Variants in ADGRV1 observed in about 807,000 individuals in gnomAD.
ADGRV1 encodes the protein adhesion G protein-coupled receptor V1.
Under a neutral mutation model 596.2 loss-of-function variants are expected in ADGRV1, and 359 were observed. The ratio of observed to expected loss-of-function variants is 0.60; its 90% CI spans 0.55 to 0.66. The LOEUF (loss-of-function observed/expected upper bound fraction) is 0.66, where lower values mean the gene tolerates loss of function less well. Ranked by LOEUF, ADGRV1 falls within the 30% of genes least tolerant of loss-of-function variation. The probability of loss-of-function intolerance (pLI) is 0.00; values close to 1 mark genes in which losing one functional copy is unlikely to be tolerated. For missense variants in ADGRV1, 7,274 were observed against 7,575.6 expected (o/e 0.96, Z 1.48); for synonymous variants, 2,681 against 2,679.2 (o/e 1.00, Z -0.02).
At chr5:90,637,207 T>A (rs1334597755) in intron 10 of ADGRV1, among the ~76,000 whole-genome samples, 1 of 152,170 alleles carries the variant, frequency 6.6e-6, no homozygotes, top group African/African-American at 2.4e-5. Context: ...GATAAAAATA[T>A]CTGATTTTAT....
chr5:90,886,305 C>G (rs185537568), intron 83 of ADGRV1, among the ~76,000 whole-genome samples: 1 of 152,288 alleles, frequency 6.6e-6, no homozygotes, highest in East Asian at 1.9e-4. Flanking sequence ...TTCTCAGACT[C>G]TTCCTCTCCT....
chr5:91,021,158 C>G (rs1783600867), intron 85 of ADGRV1, among the ~76,000 whole-genome samples: 1 of 152,068 alleles, frequency 6.6e-6, no homozygotes, highest in Admixed American at 6.6e-5. Context: ...ATTGTTGGAA[C>G]TTTGAATTGC....
chr5:90,893,445 C>T (rs528386176), intron 83 of ADGRV1, among the ~76,000 whole-genome samples: 3 of 152,206 alleles, frequency 2.0e-5, no homozygotes, highest in Admixed American at 6.5e-5. Flanking sequence ...GAGGGGACTA[C>T]GCAAGAGTAT....
intron 69 of ADGRV1, among the ~76,000 whole-genome samples, chr5:90,790,471 CATAG>C (rs1218224602): frequency 2.0e-5 from 3 of 152,138 alleles, no homozygotes; most frequent in Non-Finnish European, 4.4e-5. Context: ...TTTTATATCT[CATAG>C]ATAGTCCTTT....
intron 83 of ADGRV1, among the ~76,000 whole-genome samples, chr5:90,948,053 A>G (rs1028184114): frequency 6.6e-6 from 1 of 152,040 alleles, no homozygotes; most frequent in Non-Finnish European, 1.5e-5. Context: ...AATGTTTGAG[A>G]TATACTAAAT....
chr5:90,616,952 T>A (rs1763445157), intron 2 of ADGRV1, among the ~76,000 whole-genome samples: 1 of 152,202 alleles, frequency 6.6e-6, no homozygotes, highest in Admixed American at 6.5e-5. Flanking sequence ...CAGGTCCACA[T>A]TCTTTAGCTG....
intron 87 of ADGRV1, among the ~76,000 whole-genome samples, chr5:91,149,693 T>G (rs1419548688): frequency 1.3e-5 from 2 of 151,472 alleles, no homozygotes; most frequent in Non-Finnish European, 2.9e-5. Context: ...ATTAGCCAGG[T>G]GTGGTGGCAC....
intron 21 of ADGRV1, among the ~76,000 whole-genome samples, chr5:90,659,790 C>T (rs983917906): frequency 1.3e-5 from 2 of 152,168 alleles, no homozygotes; most frequent in South Asian, 2.1e-4. Context: ...CCCAGCACTT[C>T]GGGATGCTGA....
chr5:90,842,408 T>C (rs992215376), intron 78 of ADGRV1, among the ~76,000 whole-genome samples: 2 of 152,226 alleles, frequency 1.3e-5, no homozygotes, highest in African/African-American at 4.8e-5. Context: ...GGATAAAATA[T>C]ATTTTAAATG....
chr5:90,634,793 A>G (rs1321557214), intron 9 of ADGRV1, among the ~76,000 whole-genome samples: 2 of 147,548 alleles, frequency 1.4e-5, no homozygotes, highest in African/African-American at 5.0e-5. Flanking sequence ...TGACATTTAT[A>G]TGATGTCTGT....
intron 83 of ADGRV1, among the ~76,000 whole-genome samples, chr5:90,951,510 C>T (rs943254286): frequency 2.8e-4 from 43 of 151,984 alleles, no homozygotes; most frequent in African/African-American, 9.9e-4. Context: ...ACTGTTTACT[C>T]CTAAAAACTA....
At chr5:90,643,073 C>A in intron 13 of ADGRV1, 32 bp downstream of exon 13, 1 of 1,535,254 alleles carries the variant, frequency 6.5e-7, no homozygotes, top group Non-Finnish European at 9.0e-7. Flanking sequence ...TTGTGTTTCT[C>A]TGTAAGATTG....
chr5:90,926,660 T>C (rs1164757850), intron 83 of ADGRV1, among the ~76,000 whole-genome samples: 1 of 151,610 alleles, frequency 6.6e-6, no homozygotes, highest in Non-Finnish European at 1.5e-5. Flanking sequence ...TTTAGTTATT[T>C]CTAGCCTTCT....
At chr5:91,126,602 G>C (rs1793780780) in intron 87 of ADGRV1, among the ~76,000 whole-genome samples, 1 of 152,150 alleles carries the variant, frequency 6.6e-6, no homozygotes, top group Non-Finnish European at 1.5e-5. Context: ...AAATCACCAA[G>C]TTTACTGGAA....
At chr5:90,797,977 G>A (rs915041249) in intron 70 of ADGRV1, among the ~76,000 whole-genome samples, 3 of 152,074 alleles carry the variant, frequency 2.0e-5, no homozygotes, top group Non-Finnish European at 2.9e-5. Context: ...GAGAAAGCAG[G>A]AAAGATCTAA....
At chr5:91,129,031 G>C (rs765781974) in intron 87 of ADGRV1, among the ~76,000 whole-genome samples, 2 of 152,176 alleles carry the variant, frequency 1.3e-5, no homozygotes, top group Non-Finnish European at 2.9e-5. Flanking sequence ...AATTTTCTCT[G>C]TTCTAAGAAA....
intron 87 of ADGRV1, among the ~76,000 whole-genome samples, chr5:91,115,260 C>T (rs1303416055): frequency 6.6e-6 from 1 of 152,194 alleles, no homozygotes; most frequent in African/African-American, 2.4e-5. Context: ...CTGATATACA[C>T]TACTCCATCA....
At chr5:90,716,002 T>TAAGAAC (rs1750058502) in intron 42 of ADGRV1, among the ~76,000 whole-genome samples, 1 of 152,218 alleles carries the variant, frequency 6.6e-6, no homozygotes, top group South Asian at 2.1e-4. Context: ...CTTACTGTAG[T>TAAGAAC]TCTAATATTT....
At chr5:91,037,047 A>G (rs1163402315) in intron 85 of ADGRV1, among the ~76,000 whole-genome samples, 1 of 152,126 alleles carries the variant, frequency 6.6e-6, no homozygotes, top group Non-Finnish European at 1.5e-5. Flanking sequence ...AGACAAAGCA[A>G]TTTTATCATT....
Sources: gnomAD v4.1 joint callset for allele counts (sites outside exome capture counted in the v4.1 genomes callset) on GRCh38, gnomAD v4.1.1 for gene constraint, MANE v1.5 for transcripts, NCBI Gene and HGNC (gene_info 2026-07-23, HGNC 2026-07-21) for gene names.